Variants in BBX observed in about 807,000 individuals in gnomAD.
The protein encoded by BBX is HMG box transcription factor BBX.
BBX carries 30 observed loss-of-function variants against 100.2 expected under a neutral mutation model. The observed-to-expected ratio is 0.30, with a 90% CI of 0.22 to 0.41. The LOEUF is 0.41. BBX is among the 10% of genes least tolerant of loss of function. The probability of loss-of-function intolerance (pLI) is 1.00; values close to 1 mark genes in which losing one functional copy is unlikely to be tolerated. For missense variants in BBX, 1,023 were observed against 1,129.8 expected (o/e 0.91, Z 1.35); for synonymous variants, 376 against 388.1 (o/e 0.97, Z 0.37).
intron 8 of BBX, among the ~76,000 whole-genome samples, chr3:107,746,600 CTCAG>C (rs2064621365): frequency 1.3e-5 from 2 of 151,968 alleles, no homozygotes; most frequent in Admixed American, 6.6e-5. Context: ...CAATTAATTA[CTCAG>C]TCAGTCTCTC....
chr3:107,761,361 C>T (rs562433583), intron 10 of BBX, among the ~76,000 whole-genome samples: 2 of 152,026 alleles, frequency 1.3e-5, no homozygotes, highest in Non-Finnish European at 2.9e-5. Flanking sequence ...AGATTTGGGA[C>T]GGTGTTACAC....
chr3:107,688,573 T>C (rs1034816683), intron 3 of BBX, among the ~76,000 whole-genome samples: 6 of 152,214 alleles, frequency 3.9e-5, no homozygotes, highest in Non-Finnish European at 7.3e-5. Flanking sequence ...AATTGCCAAG[T>C]GTCCAGTGCT....
At chr3:107,769,163 A>ATCAT (rs2066648058) in intron 10 of BBX, among the ~76,000 whole-genome samples, 1 of 146,654 alleles carries the variant, frequency 6.8e-6, no homozygotes, top group African/African-American at 2.6e-5. Context: ...GCACGACTCT[A>ATCAT]TCATTCATAG....
At chr3:107,623,897 T>G (rs1475364558) in intron 2 of BBX, among the ~76,000 whole-genome samples, 4 of 152,192 alleles carry the variant, frequency 2.6e-5, no homozygotes, top group African/African-American at 9.7e-5. Flanking sequence ...TTACAGACTC[T>G]CGTCTGTAAA....
rs1268730455 is a variant in BBX, at chr3:107,773,471, C to G, written c.1750C>G (p.Leu584Val). 6.2e-7 allele frequency: 1 copy of G among 1,614,114 alleles called. No homozygotes were observed. Among genetic ancestry groups the G allele is most frequent in the East Asian group, 2.2e-5 (1 of 44,882 alleles). ...AEPLTPMEDALPPSLSGQAKP... is the reference protein window; with the variant it reads ...AEPLTPMEDAVPPSLSGQAKP... ...ACCATTGACCCCTATGGAAGATGCA[C>G]TACCACCCAGCCTATCAGGACAGGC... Residue 584 changes from leucine (L) to valine (V), a missense_variant, in exon 11 of 18, where the codon CTA becomes GTA. Leu to Val is a conservative substitution (Grantham distance 32, BLOSUM62 1). Coordinates refer to ENST00000325805, the MANE Select transcript of BBX (RefSeq NM_001142568.3). The surrounding 1 kb of genome is among the most constrained non-coding windows in gnomAD (Gnocchi z 4.1).
At chr3:107,746,802 C>T (rs769049916) in intron 8 of BBX, among the ~76,000 whole-genome samples, 1 of 152,040 alleles carries the variant, frequency 6.6e-6, no homozygotes, top group Non-Finnish European at 1.5e-5. Flanking sequence ...TGTATAACTA[C>T]GTGGCCCTGT....
intron 15 of BBX, among the ~76,000 whole-genome samples, chr3:107,795,234 T>A (rs1029320831): frequency 6.6e-6 from 1 of 152,214 alleles, no homozygotes; most frequent in African/African-American, 2.4e-5. Flanking sequence ...ACCAAGCTTT[T>A]GTCTGCTTTG....
At chr3:107,721,662 T>C (rs144416364) in intron 5 of BBX, among the ~76,000 whole-genome samples, 1 of 152,052 alleles carries the variant, frequency 6.6e-6, no homozygotes, top group Non-Finnish European at 1.5e-5. Context: ...GGAATGATAA[T>C]AACTTTGTGA....
intron 10 of BBX, among the ~76,000 whole-genome samples, chr3:107,759,303 G>C (rs2065718392): frequency 6.6e-6 from 1 of 152,192 alleles, no homozygotes; most frequent in South Asian, 2.1e-4. Flanking sequence ...ATATTTTTAA[G>C]GGTTTTGTCT....
At chr3:107,727,974 C>A (rs529376683) in intron 5 of BBX, among the ~76,000 whole-genome samples, 3 of 152,020 alleles carry the variant, frequency 2.0e-5, no homozygotes, top group Non-Finnish European at 2.9e-5. Flanking sequence ...TTTTGTTTCA[C>A]GTTATTGTCA....
At chr3:107,593,976 G>T (rs1180829208) in intron 2 of BBX, among the ~76,000 whole-genome samples, 1 of 152,086 alleles carries the variant, frequency 6.6e-6, no homozygotes, top group Non-Finnish European at 1.5e-5. Context: ...GGTTTTGCTG[G>T]GCTCTGATAT....
chr3:107,526,903 T>A (rs1031012555), intron 2 of BBX, among the ~76,000 whole-genome samples: 1 of 152,230 alleles, frequency 6.6e-6, no homozygotes, highest in African/African-American at 2.4e-5. Flanking sequence ...GGATTGGCAG[T>A]GTGGTAAATC....
At chr3:107,561,878 T>C (rs2107477111) in intron 2 of BBX, among the ~76,000 whole-genome samples, 1 of 152,362 alleles carries the variant, frequency 6.6e-6, no homozygotes, top group East Asian at 1.9e-4. Context: ...ACTTTCATTA[T>C]TTCTTTTTCA....
chr3:107,744,157 T>C (rs969442128), intron 7 of BBX, among the ~76,000 whole-genome samples: 2 of 152,120 alleles, frequency 1.3e-5, no homozygotes, highest in Non-Finnish European at 2.9e-5. Flanking sequence ...CAAATACTTG[T>C]TGAGTATCTA....
chr3:107,570,806 A>C (rs891274024), intron 2 of BBX, among the ~76,000 whole-genome samples: 2 of 151,972 alleles, frequency 1.3e-5, no homozygotes, highest in African/African-American at 4.8e-5. Context: ...TGGGGTGGAG[A>C]CTGAAGGAAC....
At position 107,603,077 on chromosome 3, in the gene BBX, C is replaced by T. The variant is rs2054173380; in HGVS notation, c.-83-42759C>T. On this transcript the variant is annotated intron_variant, in intron 2 of 17. Coordinates refer to ENST00000325805, the MANE Select transcript of BBX (RefSeq NM_001142568.3). ...CTCCCAGGTTCACGCCATTCTCCTG[C>T]CTCAGCCTCCCAAGTAGCTGGGACT... Among the ~76,000 whole-genome samples, 11 of 152,126 alleles carry T rather than the reference C, an allele frequency of 7.2e-5. No homozygotes were observed. The South Asian group carries it at 2.3e-3, about 32-fold the overall frequency.
At chr3:107,615,690 G>A (rs934962470) in intron 2 of BBX, among the ~76,000 whole-genome samples, 4 of 152,208 alleles carry the variant, frequency 2.6e-5, no homozygotes, top group Non-Finnish European at 5.9e-5. Context: ...TCCAAGGGAA[G>A]CAGATTTGGG....
chr3:107,667,360 A>G (rs2058804697), intron 3 of BBX, among the ~76,000 whole-genome samples: 1 of 152,142 alleles, frequency 6.6e-6, no homozygotes, highest in South Asian at 2.1e-4. Context: ...ATTAATTTAG[A>G]CAGGCTTGAA....
intron 3 of BBX, among the ~76,000 whole-genome samples, chr3:107,646,390 C>A (rs1352006176): frequency 1.3e-5 from 2 of 151,894 alleles, no homozygotes; most frequent in Non-Finnish European, 2.9e-5. Context: ...TATATGAAAA[C>A]CACATAATGA....
Sources: gnomAD v4.1 joint callset for allele counts (sites outside exome capture counted in the v4.1 genomes callset) on GRCh38, gnomAD v4.1.1 for gene constraint, Gnocchi (gnomAD v3.1) non-coding constraint, MANE v1.5 for transcripts, NCBI Gene and HGNC (gene_info 2026-07-23, HGNC 2026-07-21) for gene names.